C4orf54: variants seen among roughly 807,000 people sequenced by gnomAD.
The protein encoded by C4orf54 is uncharacterized protein C4orf54.
Under a neutral mutation model 80.1 loss-of-function variants are expected in C4orf54, and 67 were observed. That is an observed-to-expected ratio of 0.84 (90% CI 0.69 to 1.03). C4orf54 has a LOEUF of 1.03. Ranked by LOEUF, C4orf54 falls within the 50% of genes least tolerant of loss-of-function variation. The pLI, the probability that C4orf54 is intolerant of heterozygous loss-of-function variation, is 0.00. For synonymous variants in C4orf54, 1,000 were observed against 917.0 expected (o/e 1.09, Z -1.64); for missense variants, 2,434 against 2,253.5 (o/e 1.08, Z -1.62).
In C4orf54 at chr4:99,650,410, G is replaced by C; in HGVS notation, c.4239C>G (p.Gly1413=). The C allele has an allele frequency of 1.3e-6, 2 of 1,536,088 alleles. No homozygotes were observed. The highest frequency in any genetic ancestry group is 1.7e-6 in the Non-Finnish European group (2 of 1,146,902). The change falls in exon 2 of 3, where the codon GGC becomes GGG. Residue 1413 remains glycine (G), a synonymous_variant. Coordinates refer to ENST00000511828, the MANE Select transcript of C4orf54 (RefSeq NM_001354435.2). ...SSIQKTGGVA[G]KFPQGPSPES... is the part of the protein sequence containing the mutation. ...CCGGAGAAGGCCCTTGTGGGAACTT[G>C]CCAGCGACACCCCCAGTTTTCTGGA... is the stretch of plus-strand genomic sequence containing the variant.
In C4orf54 at chr4:99,650,447, C is replaced by T; in HGVS notation, c.4202G>A (p.Ser1401Asn). ...CCCAGTTTTCTGGATGCTGCTGGCA[C>T]TCACTGTGAACACGTTCCGGTTGCT... ...LPSNRNVFTV[S>N]ASSIQKTGGV... The change falls in exon 2 of 3, where the codon AGT (serine) becomes AAT (asparagine). Residue 1401 changes from serine (S) to asparagine (N), a missense_variant. Transcript: ENST00000511828. 8 of 1,536,116 alleles carry T rather than the reference C, an allele frequency of 5.2e-6. No individual in the cohort carries two copies. The highest frequency in any genetic ancestry group is 7.0e-6 in the Non-Finnish European group (8 of 1,146,896).
rs574448728 is a variant in C4orf54 at position 99,650,011 on chromosome 4, G to T, written c.4638C>A (p.Pro1546=). 7.2e-6 allele frequency: 11 copies of T among 1,535,254 alleles called. No homozygotes were observed. Among genetic ancestry groups the T allele is most frequent in the East Asian group, 2.4e-5 (1 of 40,892 alleles). Reference sequence around the variant, plus strand: ...GATGCTCGGGGCTCTGTGGCCCTGGGGGGGCAGCTACTGTCTCCCGGGGGT... The same window carrying T: ...GATGCTCGGGGCTCTGTGGCCCTGGTGGGGCAGCTACTGTCTCCCGGGGGT... ...PDNPRETVAA[P]PGPQSPEHPP... is the part of the protein sequence containing the mutation. Residue 1546 remains proline (P), a synonymous_variant, in exon 2 of 3, where the codon CCC becomes CCA. Transcript: ENST00000511828.
intron 1 of C4orf54, among the ~76,000 whole-genome samples, chr4:99,656,566 A>G (rs918749615): frequency 1.3e-5 from 2 of 152,238 alleles, no homozygotes; most frequent in African/African-American, 2.4e-5. Flanking sequence ...GGCGTGAGCC[A>G]CAATGCCCAG....
In C4orf54 at chr4:99,653,607, C is replaced by A. The variant is rs1726905735; in HGVS notation, c.1042G>T (p.Asp348Tyr). ...CTGCCCTGGGACTTGGCAATAATGT[C>A]CCTGCACTCTGTTCCATCTCCTGCC... The part of the protein sequence containing the change: ...GGAGDGTECR[D>Y]IIAKSQGSRD... The change falls in exon 2 of 3, where the codon GAC becomes TAC. Residue 348 changes from aspartate (D) to tyrosine (Y), a missense_variant. Physicochemically the swap from Asp to Tyr is radical, Grantham distance 160 (BLOSUM62 -3). Transcript: ENST00000511828. 43 of 1,535,944 alleles carry A rather than the reference C, an allele frequency of 2.8e-5. No homozygotes were observed. Among genetic ancestry groups the A allele is most frequent in the Non-Finnish European group, 3.7e-5 (42 of 1,146,838 alleles).
chr4:99,653,144 GA>G lies in C4orf54; in HGVS notation c.1504del (p.Ser502GlnfsTer29). 1 of 1,536,184 alleles carries G rather than the reference GA, an allele frequency of 6.5e-7. No homozygotes were observed. The highest frequency in any genetic ancestry group is 1.2e-5 in the South Asian group (1 of 84,062). ...GCTTGCGGCGGCGGCTGCTGCCCCT[GA>G]AGCTGCCTCCGGGGTCTCAGGCAAG... is the stretch of plus-strand genomic sequence containing the variant. ...EPLPETPEAA[S>X]GAAAAAASSC... On this transcript the variant is annotated frameshift_variant, in exon 2 of 3. Transcript: ENST00000511828. LOFTEE classifies it high-confidence loss of function.
rs1578273703 is a variant in C4orf54, at chr4:99,651,051, T to C, written c.3598A>G (p.Arg1200Gly). 6.5e-7 allele frequency: 1 copy of C among 1,536,124 alleles called. No individual in the cohort carries two copies. Among genetic ancestry groups the C allele is most frequent in the Non-Finnish European group, 8.7e-7 (1 of 1,146,898 alleles). The change falls in exon 2 of 3, where the codon AGG becomes GGG. Residue 1200 changes from arginine (R) to glycine (G), a missense_variant. Arg to Gly is a moderately radical substitution (Grantham distance 125). Coordinates refer to ENST00000511828, the MANE Select transcript of C4orf54 (RefSeq NM_001354435.2). ...GGGGCAATGGTAGCCACAGGCAGCC[T>C]GCCAGATGCCCTGTGAACCAAGACT... ...GTVLVHRASG[R>G]LPVATIAPNK...
In C4orf54 at chr4:99,650,164, G is replaced by A. The variant is rs1726780968; in HGVS notation, c.4485C>T (p.Pro1495=). Residue 1495 remains proline, a synonymous_variant, in exon 2 of 3, where the codon CCC becomes CCT. Transcript: ENST00000511828. ...AGAGAGTGGCAGCTGAGGAGTTGGG[G>A]GGCCCCTCCCTGGAAGCCCCAGGCC... ...LSRPGASREG[P]PNSSAATLCS... 8 of 1,535,904 alleles carry A rather than the reference G, an allele frequency of 5.2e-6. No individual in the cohort carries two copies. The highest frequency in any genetic ancestry group is 2.0e-5 in the Admixed American group (1 of 50,980).
rs762669716 is a variant in C4orf54 at position 99,650,656 on chromosome 4, G to T, written c.3993C>A (p.Val1331=). Residue 1331 remains valine (V), a synonymous_variant, in exon 2 of 3, where the codon GTC becomes GTA. Transcript: ENST00000511828. ...GACGTTCTATGGGGGCCCCTCGCAG[G>T]ACCACACCAGCTTTGTTTCCTGTGC... ...ERGTGNKAGV[V]LRGAPIERLQ... The T allele has an allele frequency of 5.2e-6, 8 of 1,535,900 alleles. No homozygotes were observed. The highest frequency in any genetic ancestry group is 7.0e-6 in the Non-Finnish European group (8 of 1,146,884).
Position 99,649,357 on chromosome 4 carries a change from G to C in C4orf54, c.5292C>G (p.Ile1764Met), listed in dbSNP as rs1726755882. The C allele has an allele frequency of 6.5e-7, 1 of 1,536,056 alleles. No individual in the cohort carries two copies. The highest frequency in any genetic ancestry group is 8.7e-7 in the Non-Finnish European group (1 of 1,146,930). Reference protein sequence around the residue: ...AFAQLHGKPVISITSQPLGPR... With the variant: ...AFAQLHGKPVMSITSQPLGPR... ...GCCCCAGGGGCTGCGAAGTAATGCT[G>C]ATGACAGGCTTGCCATGCAGCTGGG... is the stretch of plus-strand genomic sequence containing the variant. The change falls in exon 2 of 3, where the codon ATC becomes ATG. Residue 1764 changes from isoleucine to methionine, a missense_variant. Ile to Met is a conservative substitution (Grantham distance 10). Coordinates refer to ENST00000511828, the MANE Select transcript of C4orf54 (RefSeq NM_001354435.2).
rs1447753756 is a variant in C4orf54, at chr4:99,649,429, G to A, written c.5220C>T (p.Ser1740=). 2.0e-6 allele frequency: 3 copies of A among 1,536,056 alleles called. No individual in the cohort carries two copies. In the African/African-American group the frequency reaches 4.1e-5, roughly 21 times the overall value. Residue 1740 remains serine (S), a synonymous_variant, in exon 2 of 3, where the codon TCC becomes TCT. Transcript: ENST00000511828. ...ASGQSPASST[S]SAPAATSQLL... ...GCTGGGATGTGGCTGCTGGGGCTGA[G>A]GAGGTTGAGGAGGCCGGAGACTGAC...
rs1382108669 is a variant in C4orf54 at position 99,640,462 on chromosome 4, A to G, written c.*771T>C. On this transcript the variant is annotated 3_prime_UTR_variant, in exon 3 of 3. Coordinates refer to ENST00000511828, the MANE Select transcript of C4orf54 (RefSeq NM_001354435.2). ...ATTGGATTCTTAAAGGAAAATAGATATTTTATACCTTTCTGAGACTAAGTA... is the reference window on the plus strand; with the variant it reads ...ATTGGATTCTTAAAGGAAAATAGATGTTTTATACCTTTCTGAGACTAAGTA... 6.6e-6 allele frequency: 1 copy of G among 152,162 alleles called. No individual in the cohort carries two copies. The highest frequency in any genetic ancestry group is 1.5e-5 in the Non-Finnish European group (1 of 68,028). The allele number at this position is 152,162 out of a possible 1,614,324, so 9.4% of individuals were successfully genotyped here.
At position 99,649,387 on chromosome 4, in the gene C4orf54, GGCCTTGGCCCCTAGGA is replaced by G; in HGVS notation, c.5246_5261del (p.Leu1749ProfsTer33). ...CAGGCTTGCCATGCAGCTGGGCAAA[GGCCTTGGCCCCTAGGA>G]GCTGGGATGTGGCTGCTGGGGCTGA... On this transcript the variant is annotated frameshift_variant, in exon 2 of 3. Transcript: ENST00000511828. LOFTEE classifies it low-confidence loss of function (END_TRUNC). 6.5e-7 allele frequency: 1 copy of G among 1,536,192 alleles called. No individual in the cohort carries two copies. Among genetic ancestry groups the G allele is most frequent in the Non-Finnish European group, 8.7e-7 (1 of 1,146,926 alleles).
chr4:99,644,726 C>T (rs1043462966), intron 2 of C4orf54, among the ~76,000 whole-genome samples: 2 of 145,924 alleles, frequency 1.4e-5, no homozygotes, highest in Non-Finnish European at 3.0e-5. Context: ...ACCCTTTAAG[C>T]TGTCTAATCT....
intron 2 of C4orf54, among the ~76,000 whole-genome samples, 199 bp downstream of exon 2, chr4:99,649,032 T>C (rs548811591): frequency 6.6e-6 from 1 of 152,280 alleles, no homozygotes; most frequent in African/African-American, 2.4e-5. Context: ...AGGCCGACCT[T>C]GGGGACTGAA....
chr4:99,638,880 G>A lies in C4orf54; in HGVS notation c.*2353C>T, dbSNP rs973586137. The A allele has an allele frequency of 7.9e-5, 12 of 152,130 alleles. No individual in the cohort carries two copies. Among genetic ancestry groups the A allele is most frequent in the African/African-American group, 2.4e-4 (10 of 41,432 alleles). 9.4% of individuals were successfully genotyped at this position (152,130 alleles called of 1,614,324 possible). A position where few individuals can be genotyped will look rare whatever the true frequency, so the allele number is the denominator to read the frequency against. On this transcript the variant is annotated 3_prime_UTR_variant, in exon 3 of 3. Coordinates refer to ENST00000511828, the MANE Select transcript of C4orf54 (RefSeq NM_001354435.2). ...TAATAGAACATTATTTAAAAGTTGC[G>A]TTTTTAGCCACTTGGACATCACTGT...
chr4:99,657,383 C>T (rs1726993810), intron 1 of C4orf54, among the ~76,000 whole-genome samples, 112 bp downstream of exon 1: 1 of 152,190 alleles, frequency 6.6e-6, no homozygotes, highest in Non-Finnish European at 1.5e-5. Context: ...TTGCTTAATA[C>T]CCAAAGTTCT....
At chr4:99,654,859 C>T (rs1157553248) in intron 1 of C4orf54, among the ~76,000 whole-genome samples, 180 bp from the exon 2 acceptor site, 1 of 152,144 alleles carries the variant, frequency 6.6e-6, no homozygotes, top group African/African-American at 2.4e-5. Flanking sequence ...TCTATGTAAT[C>T]TATTATAGCG....
chr4:99,654,814 A>C (rs1448220272), intron 1 of C4orf54, among the ~76,000 whole-genome samples, 135 bp from the exon 2 acceptor site: 1 of 152,196 alleles, frequency 6.6e-6, no homozygotes, highest in East Asian at 1.9e-4. Flanking sequence ...GGGGTGGAGG[A>C]GGCATGTGGA....
In C4orf54 at chr4:99,652,066, G is replaced by A; in HGVS notation, c.2583C>T (p.Gly861=). 1.3e-6 allele frequency: 2 copies of A among 1,536,134 alleles called. No individual in the cohort carries two copies. The highest frequency in any genetic ancestry group is 1.7e-6 in the Non-Finnish European group (2 of 1,146,904). The change falls in exon 2 of 3, where the codon GGC becomes GGT. Residue 861 remains glycine (G), a synonymous_variant. Transcript: ENST00000511828. ...ARGSERQRER[G]LQRQSSRHSE... ...AGTGACGAGAGCTCTGCCTCTGCAGGCCCCTCTCTCGCTGCCTCTCGCTCC... is the reference window on the plus strand; with the variant it reads ...AGTGACGAGAGCTCTGCCTCTGCAGACCCCTCTCTCGCTGCCTCTCGCTCC...
Sources: gnomAD v4.1 joint callset for allele counts (sites outside exome capture counted in the v4.1 genomes callset) on GRCh38, gnomAD v4.1.1 for gene constraint, MANE v1.5 for transcripts, NCBI Gene and HGNC (gene_info 2026-07-23, HGNC 2026-07-21) for gene names.